The following ACBD6 variants were observed in gnomAD, a reference collection of about 807,000 sequenced individuals.
ACBD6 encodes acyl-CoA binding domain containing 6, also known as acyl-CoA-binding domain-containing protein 6.
ACBD6 carries 28 observed loss-of-function variants against 37.2 expected under a neutral mutation model. The observed-to-expected ratio is 0.75, with a 90% CI of 0.56 to 1.03. The LOEUF (loss-of-function observed/expected upper bound fraction) is 1.03. Among genes scored for constraint, ACBD6 ranks in the 50% least tolerant of loss-of-function variants. The probability of loss-of-function intolerance (pLI) is 0.00; values close to 1 mark genes in which losing one functional copy is unlikely to be tolerated. For synonymous variants in ACBD6, 113 were observed against 126.8 expected (o/e 0.89, Z 0.73); for missense variants, 340 against 337.4 (o/e 1.01, Z -0.06).
chr1:180,420,448 T>C (rs58448569), intron 4 of ACBD6, among the ~76,000 whole-genome samples: 5,720 of 152,312 alleles, frequency 0.038, 300 homozygotes, highest in African/African-American at 0.11. Context: ...ATCAGGGTTC[T>C]CTTTCGTGGT....
intron 3 of ACBD6, among the ~76,000 whole-genome samples, chr1:180,487,783 G>T (rs761391268): frequency 2.0e-5 from 3 of 152,142 alleles, no homozygotes; most frequent in Non-Finnish European, 2.9e-5. Context: ...AAAAACTTGT[G>T]CTAGTTTTCC....
At chr1:180,272,072 G>A in intron 13 of ACBD6, 1 of 1,447,616 alleles carries the variant, frequency 6.9e-7, no homozygotes, top group Non-Finnish European at 9.4e-7. Flanking sequence ...GTAATCCCTG[G>A]CACTCAGGAG....
intron 6 of ACBD6, among the ~76,000 whole-genome samples, chr1:180,349,524 G>A (rs1019118044): frequency 6.6e-6 from 1 of 151,606 alleles, no homozygotes; most frequent in South Asian, 2.1e-4. Flanking sequence ...CAAAATGCTG[G>A]GATTACAGGC....
At chr1:180,441,210 C>CT (rs1649268315) in intron 3 of ACBD6, among the ~76,000 whole-genome samples, 2 of 152,242 alleles carry the variant, frequency 1.3e-5, no homozygotes, top group African/African-American at 4.8e-5. Context: ...TTGTTATTAT[C>CT]TTTTTTATTG....
intron 5 of ACBD6, among the ~76,000 whole-genome samples, chr1:180,406,306 C>A (rs1647623155): frequency 6.6e-6 from 1 of 152,002 alleles, no homozygotes; most frequent in South Asian, 2.1e-4. Flanking sequence ...ATCCAAAAGT[C>A]TGAAATCCAA....
exon 9 of ACBD6, chr1:180,281,356 C>A (rs979614356): frequency 5.9e-5 from 9 of 152,178 alleles, no homozygotes; most frequent in Admixed American, 1.3e-4. Context: ...GCTTTCCTGT[C>A]CTTTCCCCTT....
intron 5 of ACBD6, among the ~76,000 whole-genome samples, chr1:180,411,824 C>T (rs953443903): frequency 2.0e-5 from 3 of 152,110 alleles, no homozygotes; most frequent in South Asian, 2.1e-4. Flanking sequence ...CCCACCACCA[C>T]GCCTGGCTAA....
chr1:180,350,372 T>C (rs907904661), intron 6 of ACBD6, among the ~76,000 whole-genome samples: 1 of 152,126 alleles, frequency 6.6e-6, no homozygotes, highest in Admixed American at 6.5e-5. Flanking sequence ...TTTCACTCAA[T>C]GTGTTAAGAG....
At chr1:180,450,403 A>C (rs566650468) in intron 3 of ACBD6, among the ~76,000 whole-genome samples, 1 of 152,326 alleles carries the variant, frequency 6.6e-6, no homozygotes, top group East Asian at 1.9e-4. Context: ...GATGAAGAAC[A>C]ATTTTAGAAA....
At chr1:180,405,781 T>C (rs1430261905) in intron 5 of ACBD6, among the ~76,000 whole-genome samples, 1 of 152,138 alleles carries the variant, frequency 6.6e-6, no homozygotes, top group Non-Finnish European at 1.5e-5. Context: ...TAAATACACT[T>C]CACAAATTAT....
chr1:180,353,548 T>A (rs1255496234), intron 6 of ACBD6, among the ~76,000 whole-genome samples: 1 of 152,032 alleles, frequency 6.6e-6, no homozygotes, highest in East Asian at 1.9e-4. Context: ...GCAAAAGATG[T>A]CAGAATTATG....
At chr1:180,453,137 C>T (rs747398111) in intron 3 of ACBD6, among the ~76,000 whole-genome samples, 2 of 152,202 alleles carry the variant, frequency 1.3e-5, no homozygotes, top group Non-Finnish European at 2.9e-5. Flanking sequence ...AGGCCAGTAT[C>T]CCTGATGAAC....
At chr1:180,296,858 G>T (rs1051351060) in intron 7 of ACBD6, among the ~76,000 whole-genome samples, 1 of 151,948 alleles carries the variant, frequency 6.6e-6, no homozygotes, top group East Asian at 1.9e-4. Context: ...CAGGCGCAGT[G>T]GCTCACGCCT....
chr1:180,346,809 G>A (rs1036957206), intron 6 of ACBD6, among the ~76,000 whole-genome samples: 5 of 152,132 alleles, frequency 3.3e-5, no homozygotes, highest in Non-Finnish European at 7.4e-5. Context: ...GGCCAGGGCA[G>A]GAGAATCACT....
chr1:180,382,532 C>T (rs2101929585), intron 6 of ACBD6, among the ~76,000 whole-genome samples: 1 of 152,210 alleles, frequency 6.6e-6, no homozygotes, highest in Non-Finnish European at 1.5e-5. Flanking sequence ...AATAGACCAA[C>T]AGTGAGTAAT....
In ACBD6 at chr1:180,441,816, T is replaced by C. The variant is rs1037313144; in HGVS notation, c.385-11554A>G. ...TGGATTTTCTATATACTGTGTAGGATCATGTCACCGATTAACATTTTTATT... is the reference window on the plus strand; with the variant it reads ...TGGATTTTCTATATACTGTGTAGGACCATGTCACCGATTAACATTTTTATT... On this transcript the variant is annotated intron_variant, in intron 3 of 7. Transcript: ENST00000367595. Among the ~76,000 whole-genome samples the C allele has an allele frequency of 2.0e-5, 3 of 152,194 alleles. No individual in the cohort carries two copies. In the South Asian group the frequency reaches 6.2e-4, roughly 32 times the overall value.
chr1:180,446,560 C>T (rs1649483913), intron 3 of ACBD6, among the ~76,000 whole-genome samples: 1 of 152,138 alleles, frequency 6.6e-6, no homozygotes, highest in Non-Finnish European at 1.5e-5. Context: ...TTCATCTCAT[C>T]TACCATTTGT....
At chr1:180,471,707 C>A (rs1650576801) in intron 3 of ACBD6, among the ~76,000 whole-genome samples, 1 of 152,118 alleles carries the variant, frequency 6.6e-6, no homozygotes, top group Non-Finnish European at 1.5e-5. Flanking sequence ...TCAATTACCT[C>A]CCCCTGGGTC....
intron 3 of ACBD6, among the ~76,000 whole-genome samples, chr1:180,490,486 A>G (rs1215947135): frequency 6.6e-6 from 1 of 151,778 alleles, no homozygotes; most frequent in Non-Finnish European, 1.5e-5. Flanking sequence ...CTACAAAAAA[A>G]AAAAAGAGGC....
Sources: allele counts gnomAD v4.1 joint callset (sites outside exome capture counted in the v4.1 genomes callset), GRCh38; gene constraint gnomAD v4.1.1; transcripts MANE v1.5; gene names NCBI Gene and HGNC (gene_info 2026-07-23, HGNC 2026-07-21).